The following FGD4 variants were observed in gnomAD, a reference collection of about 807,000 sequenced individuals.
FGD4 encodes FYVE, RhoGEF and PH domain-containing protein 4.
In FGD4, 42 loss-of-function variants were observed where a neutral mutation model predicts 102.0. The observed-to-expected ratio is 0.41, with a 90% CI of 0.32 to 0.53. The LOEUF is 0.53. Among genes scored for constraint, FGD4 ranks in the 20% least tolerant of loss-of-function variants. FGD4 has a pLI of 0.21. For synonymous variants in FGD4, 380 were observed against 375.7 expected, an observed-to-expected ratio of 1.01 and a Z score of -0.13; for missense variants, 902 against 1,078.2, an observed-to-expected ratio of 0.84 and a Z score of 2.29.
At chr12:32,558,474 A>G (rs1944290391) in intron 1 of FGD4, among the ~76,000 whole-genome samples, 1 of 152,216 alleles carries the variant, frequency 6.6e-6, no homozygotes, top group South Asian at 2.1e-4. Flanking sequence ...GCTCATGGAC[A>G]CTGTGGTAAG....
At chr12:32,509,817 C>G (rs927335560) in intron 1 of FGD4, among the ~76,000 whole-genome samples, 2 of 152,164 alleles carry the variant, frequency 1.3e-5, no homozygotes, top group African/African-American at 2.4e-5. Context: ...ACCTGTCAGC[C>G]CCACTACTCT....
Position 32,399,615 on chromosome 12 carries a change from C to A in FGD4, c.-179C>A. 2 of 1,391,212 alleles carry A rather than the reference C, an allele frequency of 1.4e-6. No homozygotes were observed. The highest frequency in any genetic ancestry group is 1.9e-6 in the Non-Finnish European group (2 of 1,076,504). The allele number at this position is 1,391,212 out of a possible 1,614,324, so 86.2% of individuals were successfully genotyped here. The stretch of plus-strand genomic sequence containing the variant: ...GTCGCCGCAGCCAAACTCGCCGCGA[C>A]GCCGGGAGGGAGCGTACCGGGAAGG... On this transcript the variant is annotated 5_prime_UTR_variant, in exon 1 of 17. Transcript: ENST00000534526.
chr12:32,404,889 T>C (rs986442984), intron 1 of FGD4, among the ~76,000 whole-genome samples: 10 of 152,164 alleles, frequency 6.6e-5, no homozygotes, highest in African/African-American at 2.2e-4. Flanking sequence ...CCAGGAAAAG[T>C]TTCTTATAAG....
intron 1 of FGD4, among the ~76,000 whole-genome samples, chr12:32,437,316 G>A (rs1942266333): frequency 6.6e-6 from 1 of 152,198 alleles, no homozygotes; most frequent in Non-Finnish European, 1.5e-5. Flanking sequence ...TTGAGGCAGA[G>A]TAGTGAAGGT....
chr12:32,481,127 C>CAAAAAAAAAAAAAAAAA lies in FGD4; in HGVS notation c.166+81182_166+81198dup, dbSNP rs1157108520. Among the ~76,000 whole-genome samples the CAAAAAAAAAAAAAAAAA allele has an allele frequency of 2.2e-4, 6 of 27,360 alleles. 2 individuals are homozygous for CAAAAAAAAAAAAAAAAA. The East Asian group carries it at 5.7e-3, about 26-fold the overall frequency. The allele number at this position is 27,360 out of a possible 152,430, so 17.9% of individuals were successfully genotyped here. On this transcript the variant is annotated intron_variant, in intron 1 of 16. Transcript: ENST00000534526. ...TGGGTGACAGAGTGAGACTCCGTCTCAAAAAAAAAAAAAAAAAAAAAAAAA... is the reference window on the plus strand; with the variant it reads ...TGGGTGACAGAGTGAGACTCCGTCTCAAAAAAAAAAAAAAAAAAAAAAAAAAAAAAAAAAAAAAAAAA...
At chr12:32,464,089 A>T (rs1390252845) in intron 1 of FGD4, among the ~76,000 whole-genome samples, 1 of 152,106 alleles carries the variant, frequency 6.6e-6, no homozygotes, top group Non-Finnish European at 1.5e-5. Context: ...TTTGCTAAGC[A>T]CTTATTTGCA....
chr12:32,523,103 CT>C (rs1297922997), intron 1 of FGD4, among the ~76,000 whole-genome samples: 1 of 152,122 alleles, frequency 6.6e-6, no homozygotes, highest in Non-Finnish European at 1.5e-5. Context: ...TGTAAACCCC[CT>C]CCCGGGTCTG....
intron 1 of FGD4, among the ~76,000 whole-genome samples, chr12:32,464,784 T>G (rs1433035899): frequency 6.6e-6 from 1 of 152,208 alleles, no homozygotes; most frequent in Non-Finnish European, 1.5e-5. Context: ...ATAGAGCAAG[T>G]GTAATGTGAC....
At chr12:32,547,171 C>T (rs11052062) in intron 1 of FGD4, among the ~76,000 whole-genome samples, 2 of 152,124 alleles carry the variant, frequency 1.3e-5, no homozygotes, top group Non-Finnish European at 2.9e-5. Context: ...GGCACGGTGG[C>T]TCAGATCTGT....
At chr12:32,400,028 G>T in intron 1 of FGD4, 69 bp downstream of exon 1, 2 of 1,402,152 alleles carry the variant, frequency 1.4e-6, no homozygotes, top group Middle Eastern at 2.6e-4. Context: ...CGCTCCCAGC[G>T]CCCTGCAGGT....
chr12:32,626,465 A>AAG, intron 14 of FGD4, among the ~76,000 whole-genome samples: 1 of 135,282 alleles, frequency 7.4e-6, no homozygotes, highest in Non-Finnish European at 1.6e-5. Context: ...AAAAAAAAAA[A>AAG]GGGGGTTGAG....
intron 1 of FGD4, among the ~76,000 whole-genome samples, chr12:32,533,110 C>T (rs914114497): frequency 6.6e-6 from 1 of 152,192 alleles, no homozygotes; most frequent in South Asian, 2.1e-4. Context: ...CAGCAATTCA[C>T]TGCCCCAGTG....
chr12:32,539,569 CAG>C (rs1491230102), intron 1 of FGD4, among the ~76,000 whole-genome samples: 6 of 132,944 alleles, frequency 4.5e-5, no homozygotes, highest in Admixed American at 2.3e-4. Context: ...AACTCTGTCT[CAG>C]GGGGGAAAAA....
chr12:32,527,483 G>A (rs751871457), intron 1 of FGD4, among the ~76,000 whole-genome samples: 10 of 152,094 alleles, frequency 6.6e-5, no homozygotes, highest in African/African-American at 9.7e-5. Context: ...AGGCTGGAGC[G>A]CAGTGGTGCG....
intron 1 of FGD4, among the ~76,000 whole-genome samples, chr12:32,424,922 G>GT (rs1941779627): frequency 1.3e-5 from 2 of 151,956 alleles, no homozygotes; most frequent in Admixed American, 6.6e-5. Context: ...GGGGTTGTTT[G>GT]TTTTTTTCTT....
intron 1 of FGD4, among the ~76,000 whole-genome samples, chr12:32,474,547 A>G (rs1213604841): frequency 6.6e-6 from 1 of 152,192 alleles, no homozygotes; most frequent in African/African-American, 2.4e-5. Context: ...CCAAATCTAT[A>G]GACAGAAAGA....
At chr12:32,630,782 C>T (rs1950457064) in intron 14 of FGD4, among the ~76,000 whole-genome samples, 2 of 150,670 alleles carry the variant, frequency 1.3e-5, no homozygotes, top group Admixed American at 1.3e-4. Context: ...CGCCACTGCA[C>T]TCCAGCCTGG....
chr12:32,489,472 C>T (rs945635788), intron 1 of FGD4, among the ~76,000 whole-genome samples: 5 of 152,192 alleles, frequency 3.3e-5, no homozygotes, highest in South Asian at 2.1e-4. Context: ...TGGAAGTTCA[C>T]GTATATTCAA....
At chr12:32,472,967 C>T (rs1565761064) in intron 1 of FGD4, among the ~76,000 whole-genome samples, 2 of 152,076 alleles carry the variant, frequency 1.3e-5, no homozygotes, top group Admixed American at 6.6e-5. Context: ...TTTGTAAACA[C>T]ACCAATCAGC....
Sources: allele counts gnomAD v4.1 joint callset (sites outside exome capture counted in the v4.1 genomes callset), GRCh38; gene constraint gnomAD v4.1.1; transcripts MANE v1.5; gene names NCBI Gene and HGNC (gene_info 2026-07-23, HGNC 2026-07-21).